NCOA6: variants seen among roughly 807,000 people sequenced by gnomAD.
The protein encoded by NCOA6 is NRC RAP250.
NCOA6 carries 49 observed loss-of-function variants against 171.4 expected under a neutral mutation model. The observed-to-expected ratio is 0.29, with a 90% CI of 0.23 to 0.36. NCOA6 has a LOEUF of 0.36. Among genes scored for constraint, NCOA6 ranks in the 10% least tolerant of loss-of-function variants. The probability of loss-of-function intolerance (pLI) is 1.00; values close to 1 mark genes in which losing one functional copy is unlikely to be tolerated. For synonymous variants in NCOA6, 910 were observed against 927.5 expected (o/e 0.98, Z 0.34); for missense variants, 2,248 against 2,554.5 (o/e 0.88, Z 2.59).
chr20:34,792,680 T>C (rs2077926981), intron 1 of NCOA6, 117 bp from the exon 2 acceptor site: 1 of 393,036 alleles, frequency 2.5e-6, no homozygotes, highest in East Asian at 3.6e-5. Context: ...TCAACAAAAG[T>C]CAATGTAAAT....
rs564765387 is a variant in NCOA6 at position 34,782,403 on chromosome 20, T to C, written c.-48A>G. On this transcript the variant is annotated splice_region_variant and 5_prime_UTR_variant, in exon 3 of 15. Coordinates refer to ENST00000359003, the MANE Select transcript of NCOA6 (RefSeq NM_014071.5). ...TATGCCAAGAGGACAATAAGAAAAC[T>C]TCTGAAAAGAGAAGATGCAAAAGAG... 20 of 1,215,274 alleles carry C rather than the reference T, an allele frequency of 1.6e-5. No individual in the cohort carries two copies. The highest frequency in any genetic ancestry group is 2.3e-5 in the Non-Finnish European group (20 of 863,312). The allele number at this position is 1,215,274 out of a possible 1,614,324, so 75.3% of individuals were successfully genotyped here. A position where few individuals can be genotyped will look rare whatever the true frequency, so the allele number is the denominator to read the frequency against.
chr20:34,743,163 T>C lies in NCOA6; in HGVS notation c.3093A>G (p.Gln1031=). The change falls in exon 11 of 15, where the codon CAA becomes CAG. Residue 1031 remains glutamine, a synonymous_variant. Coordinates refer to ENST00000359003, the MANE Select transcript of NCOA6 (RefSeq NM_014071.5). The stretch of plus-strand genomic sequence containing the variant: ...GCATCATGAGCATCATCATCATTTG[T>C]TGCTGCTGCTGCTGCTGCTGCTGAG... ...PQSQQQQQQQ[Q]QMMMMLMMQQ... 1.9e-6 allele frequency: 3 copies of C among 1,613,200 alleles called. No homozygotes were observed. The highest frequency in any genetic ancestry group is 2.5e-6 in the Non-Finnish European group (3 of 1,179,490).
At chr20:34,819,676 C>T (rs2078945777) in intron 1 of NCOA6, 1 of 152,096 alleles carries the variant, frequency 6.6e-6, no homozygotes, top group South Asian at 2.1e-4. Flanking sequence ...CAAAATGAGC[C>T]CCTGCTCTGT....
intron 14 of NCOA6, among the ~76,000 whole-genome samples, chr20:34,717,960 G>A (rs1027893106): frequency 5.9e-5 from 9 of 152,138 alleles, no homozygotes; most frequent in Non-Finnish European, 1.0e-4. Context: ...GGGGTGTGGG[G>A]GAGAAGCAAC....
intron 4 of NCOA6, among the ~76,000 whole-genome samples, chr20:34,772,082 T>C (rs1185860003): frequency 2.6e-5 from 4 of 152,148 alleles, no homozygotes; most frequent in Non-Finnish European, 5.9e-5. Flanking sequence ...TCCCAGCACT[T>C]TGGGAGGCCA....
chr20:34,754,934 G>T, intron 7 of NCOA6, 66 bp from the exon 8 acceptor site: 2 of 1,532,204 alleles, frequency 1.3e-6, no homozygotes, highest in South Asian at 1.2e-5. Flanking sequence ...GATATGGAAT[G>T]AATAAGGAAG....
intron 1 of NCOA6, among the ~76,000 whole-genome samples, chr20:34,794,280 C>T (rs1044686091): frequency 6.6e-6 from 1 of 152,140 alleles, no homozygotes; most frequent in Non-Finnish European, 1.5e-5. Flanking sequence ...CTGGGCAACA[C>T]AGTGAAACTT....
At chr20:34,814,335 T>C (rs2078764007) in intron 1 of NCOA6, among the ~76,000 whole-genome samples, 1 of 151,474 alleles carries the variant, frequency 6.6e-6, no homozygotes, top group South Asian at 2.1e-4. Flanking sequence ...TAAGACTCCA[T>C]CTTGGGGAAA....
At position 34,754,819 on chromosome 20, in the gene NCOA6, C is replaced by A; in HGVS notation, c.1578G>T (p.Pro526=). ...PPGFSAGQAN[P]NFMQGQVPST... is the part of the protein sequence containing the mutation. ...AAGGCACCTGACCTTGCATAAAGTTCGGATTGGCCTGTCCTGCTGAGAAGC... is the reference window on the plus strand; with the variant it reads ...AAGGCACCTGACCTTGCATAAAGTTAGGATTGGCCTGTCCTGCTGAGAAGC... The change falls in exon 8 of 15, where the codon CCG becomes CCT. Residue 526 remains proline (P), a synonymous_variant. Transcript: ENST00000359003. 3 of 1,614,114 alleles carry A rather than the reference C, an allele frequency of 1.9e-6. No homozygotes were observed. Among genetic ancestry groups the A allele is most frequent in the Non-Finnish European group, 2.5e-6 (3 of 1,180,014 alleles).
intron 5 of NCOA6, among the ~76,000 whole-genome samples, chr20:34,764,008 CA>C (rs1428965856): frequency 1.3e-5 from 1 of 75,180 alleles, no homozygotes; most frequent in Non-Finnish European, 2.4e-5. Context: ...TCACCTTTGA[CA>C]TTTTTTTTTT....
At chr20:34,725,688 C>T (rs1361156774) in intron 14 of NCOA6, among the ~76,000 whole-genome samples, 4 of 152,130 alleles carry the variant, frequency 2.6e-5, no homozygotes, top group East Asian at 3.9e-4. Flanking sequence ...TTTTTTGTGA[C>T]GAGTTTGATA....
intron 13 of NCOA6, among the ~76,000 whole-genome samples, chr20:34,729,840 G>A (rs1168881426): frequency 6.6e-6 from 1 of 152,124 alleles, no homozygotes; most frequent in African/African-American, 2.4e-5. Flanking sequence ...TAGCACCGTG[G>A]TTGGGAACTG....
In NCOA6 at chr20:34,754,784, G is replaced by A; in HGVS notation, c.1613C>T (p.Ala538Val). 1.2e-6 allele frequency: 2 copies of A among 1,614,216 alleles called. No individual in the cohort carries two copies. The highest frequency in any genetic ancestry group is 1.7e-6 in the Non-Finnish European group (2 of 1,180,038). The change falls in exon 8 of 15, where the codon GCA (alanine) becomes GTA (valine). Residue 538 changes from alanine (A) to valine (V), a missense_variant. Ala to Val is a moderately conservative substitution (Grantham distance 64). This residue lies in a region of NCOA6 where 987 missense variants were observed against 1,104.7 expected (regional missense o/e 0.89). Coordinates refer to ENST00000359003, the MANE Select transcript of NCOA6 (RefSeq NM_014071.5). ...GGCTCCTGAATTCCCAGGGGTGGTT[G>A]CTGTGGTCGAAGGCACCTGACCTTG... The part of the protein sequence containing the change: ...FMQGQVPSTT[A>V]TTPGNSGAPQ...
chr20:34,808,432 T>G (rs1291537032), intron 1 of NCOA6, among the ~76,000 whole-genome samples: 1 of 150,884 alleles, frequency 6.6e-6, no homozygotes, highest in African/African-American at 2.4e-5. Flanking sequence ...CAAACTTGTC[T>G]GTGCTTTTTT....
At position 34,740,534 on chromosome 20, in the gene NCOA6, C is replaced by T. The variant is rs147919922; in HGVS notation, c.5722G>A (p.Gly1908Ser). 21 of 1,613,832 alleles carry T rather than the reference C, an allele frequency of 1.3e-5. No individual in the cohort carries two copies. The highest frequency in any genetic ancestry group is 8.3e-5 in the Admixed American group (5 of 59,994). ...GAGCGTACACTGGTGGGGAGAGCAC[C>T]GCCAGGTAAGCTGGGTCCTGCTGAG... The part of the protein sequence containing the change: ...TASAGPSLPG[G>S]ALPTSVRSIV... The change falls in exon 11 of 15, where the codon GGT (glycine) becomes AGT (serine). Residue 1908 changes from glycine to serine, a missense_variant. By Grantham distance (56) the Gly-to-Ser change is moderately conservative (BLOSUM62 0). Around this residue, in one of 7 missense-constraint regions of NCOA6, gnomAD observed 884 missense variants for 941.9 expected, o/e 0.94. Coordinates refer to ENST00000359003, the MANE Select transcript of NCOA6 (RefSeq NM_014071.5).
At chr20:34,802,018 TGAAGA>T (rs1185377958) in intron 1 of NCOA6, among the ~76,000 whole-genome samples, 2 of 152,114 alleles carry the variant, frequency 1.3e-5, no homozygotes, top group East Asian at 1.9e-4. Flanking sequence ...CAAAAAATAG[TGAAGA>T]GAATAGTTCC....
chr20:34,715,176 A>C lies in NCOA6; in HGVS notation c.*146T>G. On this transcript the variant is annotated 3_prime_UTR_variant, in exon 15 of 15. Transcript: ENST00000359003. ...AGTCCTGCTTTCCCCATTGCACTTT[A>C]TGAAACAGGTTGCAGGGACTAGGAA... 9.7e-7 allele frequency: 1 copy of C among 1,030,110 alleles called. No individual in the cohort carries two copies. The highest frequency in any genetic ancestry group is 1.5e-5 in the South Asian group (1 of 67,752). 63.8% of individuals were successfully genotyped at this position (1,030,110 alleles called of 1,614,324 possible).
At chr20:34,776,504 T>C (rs1401692827) in intron 3 of NCOA6, 56 bp from the exon 4 acceptor site, 1 of 1,590,468 alleles carries the variant, frequency 6.3e-7, no homozygotes, top group Non-Finnish European at 8.6e-7. Flanking sequence ...CCAGAGGAGA[T>C]GGAATTAAAA....
chr20:34,751,814 T>C (rs939550658), intron 8 of NCOA6, among the ~76,000 whole-genome samples: 3 of 152,234 alleles, frequency 2.0e-5, no homozygotes, highest in Admixed American at 6.5e-5. Flanking sequence ...CTATAGCTAC[T>C]TGCATTATCT....
Sources: allele counts gnomAD v4.1 joint callset (sites outside exome capture counted in the v4.1 genomes callset), GRCh38; gene constraint gnomAD v4.1.1; regional missense constraint gnomAD v4.1.1; transcripts MANE v1.5; gene names NCBI Gene and HGNC (gene_info 2026-07-23, HGNC 2026-07-21).